Variants in PCDH11Y observed in about 807,000 individuals in gnomAD.
The protein encoded by PCDH11Y is protocadherin-11 Y-linked.
For missense variants in PCDH11Y, 12 were observed against 224.8 expected, an observed-to-expected ratio of 0.05 and a Z score of 6.05; for synonymous variants, 9 against 83.6, an observed-to-expected ratio of 0.11 and a Z score of 4.87.
intron 3 of PCDH11Y, among the ~76,000 whole-genome samples, chrY:5,507,651 CTCTTA>C (rs2053360379): frequency 3.1e-5 from 1 of 32,176 alleles, no homozygotes; most frequent in Non-Finnish European, 7.7e-5. Context: ...GTAAAGCAAT[CTCTTA>C]TCTTGTCTTT....
intron 2 of PCDH11Y, among the ~76,000 whole-genome samples, chrY:5,264,331 C>A: frequency 3.0e-5 from 1 of 33,533 alleles, no homozygotes; most frequent in Non-Finnish European, 7.4e-5. Context: ...TTTCCCTCTG[C>A]TTTTCTGAAG....
At chrY:5,073,337 C>T (rs2052702988) in intron 1 of PCDH11Y, among the ~76,000 whole-genome samples, 4 of 32,616 alleles carry the variant, frequency 1.2e-4, no homozygotes, top group Non-Finnish European at 2.3e-4. Context: ...TCAAAAGCTT[C>T]GCTTTTCATG....
At chrY:5,467,619 G>A in intron 2 of PCDH11Y, among the ~76,000 whole-genome samples, 1 of 32,507 alleles carries the variant, frequency 3.1e-5, no homozygotes, top group Admixed American at 2.8e-4. Context: ...TTCCCCAGAG[G>A]GAATCCTAGG....
rs1261266115 is a variant in PCDH11Y at position 5,278,151 on chromosome Y, CTTTT to C, written c.3129+177460_3129+177463del. Among the ~76,000 whole-genome samples the C allele has an allele frequency of 1.9e-4, 4 of 21,537 alleles. No individual in the cohort carries two copies. In the East Asian group the frequency reaches 3.9e-3, roughly 21 times the overall value. The allele number at this position is 21,537 out of a possible 37,273, so 57.8% of individuals were successfully genotyped here. A position where few individuals can be genotyped will look rare whatever the true frequency, so the allele number is the denominator to read the frequency against. On this transcript the variant is annotated intron_variant, in intron 2 of 4. Coordinates refer to the PCDH11Y transcript ENST00000400457. Reference sequence around the variant, plus strand: ...CGGAAGAACTGACATTGAACTGAGTCTTTTTTTTTTTTTTTTTTTAAGACAGTCT... The same window carrying C: ...CGGAAGAACTGACATTGAACTGAGTCTTTTTTTTTTTTTTTAAGACAGTCT...
chrY:5,238,961 T>C, intron 2 of PCDH11Y, among the ~76,000 whole-genome samples: 1 of 32,319 alleles, frequency 3.1e-5, no homozygotes, highest in South Asian at 7.1e-4. Flanking sequence ...ATAGGAACAC[T>C]TTTACACTGT....
intron 2 of PCDH11Y, among the ~76,000 whole-genome samples, chrY:5,150,230 C>T (rs2052862921): frequency 3.1e-5 from 1 of 32,239 alleles, no homozygotes; most frequent in Non-Finnish European, 7.6e-5. Flanking sequence ...TACATAGTAA[C>T]GTTGCAATAC....
At chrY:5,359,816 G>A (rs2053172820) in intron 2 of PCDH11Y, among the ~76,000 whole-genome samples, 3 of 32,914 alleles carry the variant, frequency 9.1e-5, no homozygotes, top group Non-Finnish European at 2.2e-4. Flanking sequence ...TCTTCTCTGA[G>A]TTCAGAGTTT....
At chrY:5,258,937 TTAACTC>T in intron 2 of PCDH11Y, among the ~76,000 whole-genome samples, 1 of 33,450 alleles carries the variant, frequency 3.0e-5, no homozygotes, top group East Asian at 7.8e-4. Flanking sequence ...ATTACTCTCT[TTAACTC>T]TAATATTTTT....
intron 3 of PCDH11Y, among the ~76,000 whole-genome samples, chrY:5,526,111 TC>T (rs2053387626): frequency 3.0e-5 from 1 of 33,302 alleles, no homozygotes; most frequent in Non-Finnish European, 7.4e-5. Flanking sequence ...AATTGCTTTG[TC>T]TTTTGTTTTT....
chrY:5,296,407 C>A, intron 2 of PCDH11Y, among the ~76,000 whole-genome samples: 2 of 33,599 alleles, frequency 6.0e-5, no homozygotes, highest in Non-Finnish European at 1.5e-4. Context: ...GATGCAAGCA[C>A]CTCTGTGGCC....
At chrY:5,731,346 C>G in intron 4 of PCDH11Y, among the ~76,000 whole-genome samples, 1 of 32,789 alleles carries the variant, frequency 3.0e-5, no homozygotes, top group Non-Finnish European at 7.6e-5. Flanking sequence ...CTTCCTGATT[C>G]AATCTTGGGC....
chrY:5,669,176 C>T, intron 4 of PCDH11Y, among the ~76,000 whole-genome samples: 1 of 32,542 alleles, frequency 3.1e-5, no homozygotes, highest in African/African-American at 1.2e-4. Context: ...TGGGAATATT[C>T]GAAATCCTCT....
intron 2 of PCDH11Y, among the ~76,000 whole-genome samples, chrY:5,193,388 T>A: frequency 3.0e-5 from 1 of 33,385 alleles, no homozygotes; most frequent in Non-Finnish European, 7.4e-5. Context: ...AATTTGCAAA[T>A]GTCTAATTCA....
intron 2 of PCDH11Y, among the ~76,000 whole-genome samples, chrY:5,285,399 A>C: frequency 3.0e-5 from 1 of 32,982 alleles, no homozygotes; most frequent in Non-Finnish European, 7.5e-5. Context: ...AACAATTTCT[A>C]TTCCTTTGCG....
At chrY:5,704,495 A>G in intron 4 of PCDH11Y, among the ~76,000 whole-genome samples, 2 of 25,163 alleles carry the variant, frequency 7.9e-5, no homozygotes, top group Admixed American at 7.7e-4. Flanking sequence ...CAGCGGTGCT[A>G]TCTCGGCTCA....
intron 2 of PCDH11Y, among the ~76,000 whole-genome samples, chrY:5,430,147 T>C: frequency 2.8e-5 from 1 of 35,299 alleles, no homozygotes; most frequent in African/African-American, 1.1e-4. Context: ...TCAACATGAA[T>C]ATTACTTACA....
At chrY:5,033,977 T>A in intron 3 of PCDH11Y, among the ~76,000 whole-genome samples, 1 of 32,830 alleles carries the variant, frequency 3.0e-5, no homozygotes, top group Non-Finnish European at 7.5e-5. Context: ...CTGTTCTCTT[T>A]GTGTGTCTAT....
chrY:5,651,238 T>C, intron 4 of PCDH11Y, among the ~76,000 whole-genome samples: 1 of 32,299 alleles, frequency 3.1e-5, no homozygotes, highest in African/African-American at 1.2e-4. Flanking sequence ...GAAAGAAAGA[T>C]ATACCAATAG....
chrY:5,066,636 A>G, intron 1 of PCDH11Y, among the ~76,000 whole-genome samples: 2 of 33,698 alleles, frequency 5.9e-5, no homozygotes, highest in Non-Finnish European at 1.5e-4. Context: ...TGAATACACA[A>G]TATAATAAGA....
Sources: allele counts gnomAD v4.1 joint callset (sites outside exome capture counted in the v4.1 genomes callset), GRCh38; gene constraint gnomAD v4.1.1; transcripts MANE v1.5; gene names NCBI Gene and HGNC (gene_info 2026-07-23, HGNC 2026-07-21).